PCDH9: variants seen among roughly 807,000 people sequenced by gnomAD.
The protein encoded by PCDH9 is protocadherin 9.
In PCDH9, 24 loss-of-function variants were observed where a neutral mutation model predicts 70.6. The ratio of observed to expected loss-of-function variants is 0.34; its 90% CI spans 0.25 to 0.48. PCDH9 has a LOEUF of 0.48. PCDH9 is among the 20% of genes least tolerant of loss of function. The probability of loss-of-function intolerance (pLI) is 0.99; values close to 1 mark genes in which losing one functional copy is unlikely to be tolerated. For missense variants in PCDH9, 1,281 were observed against 1,503.6 expected (o/e 0.85, Z 2.45); for synonymous variants, 562 against 558.5 (o/e 1.01, Z -0.09).
intron 4 of PCDH9, among the ~76,000 whole-genome samples, chr13:66,483,882 G>A (rs961798170): frequency 6.6e-6 from 1 of 152,134 alleles, no homozygotes; most frequent in African/African-American, 2.4e-5. Context: ...TACAGAAAGG[G>A]CTGGACATCG....
intron 3 of PCDH9, among the ~76,000 whole-genome samples, chr13:66,814,322 C>T (rs2080563521): frequency 6.6e-6 from 1 of 152,030 alleles, no homozygotes; most frequent in African/African-American, 2.4e-5. Context: ...TTATTTTCCC[C>T]TTATAATTTT....
At chr13:67,092,722 C>T (rs2086242949) in intron 2 of PCDH9, among the ~76,000 whole-genome samples, 1 of 152,190 alleles carries the variant, frequency 6.6e-6, no homozygotes, top group Non-Finnish European at 1.5e-5. Flanking sequence ...CATTTTATTT[C>T]CCATAAAACG....
chr13:66,853,044 CTAAT>C (rs1265560625), intron 3 of PCDH9, among the ~76,000 whole-genome samples: 10 of 151,728 alleles, frequency 6.6e-5, no homozygotes, highest in Non-Finnish European at 1.2e-4. Flanking sequence ...ACTAAATACT[CTAAT>C]TATTGATGTA....
chr13:66,738,818 C>T (rs545771431), intron 3 of PCDH9, among the ~76,000 whole-genome samples: 46 of 151,918 alleles, frequency 3.0e-4, no homozygotes, highest in South Asian at 2.5e-3. Context: ...ATGAGCAAAG[C>T]CTCCAAGAAA....
chr13:66,795,955 C>G (rs2080233932), intron 3 of PCDH9, among the ~76,000 whole-genome samples: 1 of 152,186 alleles, frequency 6.6e-6, no homozygotes, highest in African/African-American at 2.4e-5. Flanking sequence ...GCAGTAACTG[C>G]TGCCCAGTAA....
chr13:67,198,037 T>G (rs1331771082), intron 2 of PCDH9, among the ~76,000 whole-genome samples: 1 of 151,562 alleles, frequency 6.6e-6, no homozygotes, highest in African/African-American at 2.4e-5. Context: ...TAAATATATA[T>G]TTACACTAAA....
chr13:66,596,300 C>A (rs1321869688), intron 4 of PCDH9, among the ~76,000 whole-genome samples: 4 of 151,630 alleles, frequency 2.6e-5, no homozygotes, highest in Non-Finnish European at 5.9e-5. Context: ...CATTTCCCAA[C>A]AAATGATTCT....
chr13:66,512,966 C>A (rs1959553924), intron 4 of PCDH9, among the ~76,000 whole-genome samples: 1 of 151,916 alleles, frequency 6.6e-6, no homozygotes, highest in Non-Finnish European at 1.5e-5. Context: ...ATAGCTGGGA[C>A]TACAAGCACA....
chr13:67,225,324 AAT>A (rs1317208820), intron 2 of PCDH9, 79 bp downstream of exon 2: 1 of 1,461,268 alleles, frequency 6.8e-7, no homozygotes, highest in East Asian at 2.3e-5. Context: ...AGACCAAAAC[AAT>A]AGACATACTG....
chr13:66,736,891 T>A (rs2079157753), intron 3 of PCDH9, among the ~76,000 whole-genome samples: 1 of 152,196 alleles, frequency 6.6e-6, no homozygotes, highest in Non-Finnish European at 1.5e-5. Flanking sequence ...CCAGAGATCT[T>A]TCCCCCGATT....
chr13:66,557,723 A>G (rs1259915935), intron 4 of PCDH9, among the ~76,000 whole-genome samples: 1 of 152,224 alleles, frequency 6.6e-6, no homozygotes, highest in Non-Finnish European at 1.5e-5. Context: ...GATACAACCA[A>G]TATCTGAAGG....
chr13:66,307,315 C>T (rs893653975), intron 4 of PCDH9, among the ~76,000 whole-genome samples: 2 of 151,968 alleles, frequency 1.3e-5, no homozygotes, highest in Non-Finnish European at 2.9e-5. Context: ...TGGTGATCTA[C>T]GAACAATGTT....
chr13:67,026,469 C>A (rs1415045635), intron 2 of PCDH9, among the ~76,000 whole-genome samples: 1 of 152,038 alleles, frequency 6.6e-6, no homozygotes, highest in East Asian at 1.9e-4. Context: ...ACTGAATGGG[C>A]AAAAACTGGA....
chr13:66,403,936 T>C (rs988447813), intron 4 of PCDH9, among the ~76,000 whole-genome samples: 2 of 152,156 alleles, frequency 1.3e-5, no homozygotes, highest in Non-Finnish European at 2.9e-5. Context: ...GGGAGGTACA[T>C]TGTTTTTCAG....
At chr13:66,830,613 G>C (rs2080908786) in intron 3 of PCDH9, among the ~76,000 whole-genome samples, 1 of 152,136 alleles carries the variant, frequency 6.6e-6, no homozygotes, top group Non-Finnish European at 1.5e-5. Context: ...ATTAAGGCCT[G>C]TTACCTAATT....
chr13:66,758,349 T>C (rs1463543425), intron 3 of PCDH9, among the ~76,000 whole-genome samples: 1 of 152,050 alleles, frequency 6.6e-6, no homozygotes, highest in Admixed American at 6.6e-5. Flanking sequence ...CCAACCCTTC[T>C]TCCCCCTAAC....
At chr13:66,898,335 G>A (rs1869053890) in intron 3 of PCDH9, among the ~76,000 whole-genome samples, 1 of 151,860 alleles carries the variant, frequency 6.6e-6, no homozygotes, top group South Asian at 2.1e-4. Flanking sequence ...CCAAAAAGCT[G>A]TCTTTATGAA....
chr13:67,001,485 A>C (rs915049932), intron 2 of PCDH9, among the ~76,000 whole-genome samples: 1 of 152,202 alleles, frequency 6.6e-6, no homozygotes, highest in Non-Finnish European at 1.5e-5. Context: ...ATAAGGGAAA[A>C]GCAGTGGCTT....
At chr13:66,873,546 C>G (rs1215388772) in intron 3 of PCDH9, among the ~76,000 whole-genome samples, 1 of 152,076 alleles carries the variant, frequency 6.6e-6, no homozygotes, top group South Asian at 2.1e-4. Flanking sequence ...TCTTTCAATA[C>G]GTCAGGTTTT....
Sources: gnomAD v4.1 joint callset for allele counts (sites outside exome capture counted in the v4.1 genomes callset) on GRCh38, gnomAD v4.1.1 for gene constraint, MANE v1.5 for transcripts, NCBI Gene and HGNC (gene_info 2026-07-23, HGNC 2026-07-21) for gene names.